Variants in SAMD12 observed in about 807,000 individuals in gnomAD.
SAMD12 encodes sterile alpha motif domain containing 12, also known as sterile alpha motif domain-containing protein 12.
SAMD12 carries 9 observed loss-of-function variants against 15.0 expected under a neutral mutation model. The ratio of observed to expected loss-of-function variants is 0.60; its 90% CI spans 0.36 to 1.05. The LOEUF is 1.05. Ranked by LOEUF, SAMD12 falls within the 50% of genes least tolerant of loss-of-function variation. The pLI is 0.01. For missense variants in SAMD12, 230 were observed against 234.2 expected, an observed-to-expected ratio of 0.98 and a Z score of 0.12; for synonymous variants, 86 against 90.1, an observed-to-expected ratio of 0.96 and a Z score of 0.25.
At chr8:118,140,348 T>C in the SAMD12 span, among the ~76,000 whole-genome samples, 1 of 152,126 alleles carries the variant, frequency 6.6e-6, no homozygotes, top group Non-Finnish European at 1.5e-5. Flanking sequence ...CACAGCTCAC[T>C]GCAGCCTCCA....
At chr8:118,605,516 C>A (rs1229685672) in intron 1 of SAMD12, among the ~76,000 whole-genome samples, 1 of 152,082 alleles carries the variant, frequency 6.6e-6, no homozygotes, top group Non-Finnish European at 1.5e-5. Context: ...AGATCAAACA[C>A]TGAAGTCATC....
intron 3 of SAMD12, among the ~76,000 whole-genome samples, chr8:118,402,814 G>T (rs1820931140): frequency 6.6e-6 from 1 of 152,172 alleles, no homozygotes; most frequent in South Asian, 2.1e-4. Context: ...AGCATCTTCA[G>T]ATTCTACTAT....
intron 2 of SAMD12, among the ~76,000 whole-genome samples, chr8:118,533,104 TTTTAAATGTGTCCCAG>T (rs764525970): frequency 6.6e-6 from 1 of 152,082 alleles, no homozygotes; most frequent in Non-Finnish European, 1.5e-5. Context: ...CTACACACTG[TTTTAAATGTGTCCCAG>T]AGATTCTGGT....
chr8:118,221,402 T>G (rs1261123000), intron 4 of SAMD12, among the ~76,000 whole-genome samples: 2 of 152,176 alleles, frequency 1.3e-5, no homozygotes, highest in African/African-American at 4.8e-5. Flanking sequence ...GTGAGTAGGC[T>G]ATTTCCTTGT....
chr8:118,219,772 G>A (rs1812045632), intron 4 of SAMD12, among the ~76,000 whole-genome samples: 1 of 152,248 alleles, frequency 6.6e-6, no homozygotes, highest in Non-Finnish European at 1.5e-5. Context: ...CCAGGAAGGT[G>A]AGTAAAGTTG....
chr8:118,273,626 G>A (rs1813414699), intron 4 of SAMD12, among the ~76,000 whole-genome samples: 1 of 152,178 alleles, frequency 6.6e-6, no homozygotes, highest in Non-Finnish European at 1.5e-5. Context: ...GTGGCCCCAT[G>A]ATGAACTCTG....
intron 2 of SAMD12, among the ~76,000 whole-genome samples, chr8:118,447,075 T>A (rs899697183): frequency 4.6e-5 from 7 of 152,210 alleles, no homozygotes; most frequent in African/African-American, 1.7e-4. Context: ...CCCTGCATCC[T>A]GGATTTTTCA....
At chr8:118,315,935 A>G (rs1815873120) in intron 4 of SAMD12, among the ~76,000 whole-genome samples, 1 of 152,310 alleles carries the variant, frequency 6.6e-6, no homozygotes, top group Non-Finnish European at 1.5e-5. Context: ...AACTGCTTAG[A>G]GATTTCTGTT....
intron 1 of SAMD12, among the ~76,000 whole-genome samples, chr8:118,603,846 G>T (rs552090527): frequency 6.6e-6 from 1 of 152,140 alleles, no homozygotes; most frequent in Non-Finnish European, 1.5e-5. Flanking sequence ...CCTAATATAT[G>T]AATATATTGG....
intron 2 of SAMD12, among the ~76,000 whole-genome samples, chr8:118,545,065 T>C (rs1826085418): frequency 2.0e-5 from 3 of 152,064 alleles, no homozygotes; most frequent in African/African-American, 7.2e-5. Flanking sequence ...CAGGCCTCAG[T>C]CAAATAACTA....
chr8:118,418,726 AAAAAG>A (rs915507650), intron 3 of SAMD12, among the ~76,000 whole-genome samples: 6 of 152,050 alleles, frequency 3.9e-5, no homozygotes, highest in African/African-American at 9.7e-5. Flanking sequence ...CTCAAAAAAA[AAAAAG>A]AAAAGTCAGC....
chr8:118,220,934 G>A (rs1812070394), intron 4 of SAMD12, among the ~76,000 whole-genome samples: 1 of 151,976 alleles, frequency 6.6e-6, no homozygotes, highest in South Asian at 2.1e-4. Flanking sequence ...GAGGGGTGGG[G>A]GACATATTGT....
At chr8:118,247,941 A>G (rs1812734659) in intron 4 of SAMD12, among the ~76,000 whole-genome samples, 1 of 152,126 alleles carries the variant, frequency 6.6e-6, no homozygotes, top group South Asian at 2.1e-4. Context: ...AGAAGCAGGA[A>G]GCTTATTGGG....
chr8:118,450,153 G>A (rs968345796), intron 2 of SAMD12, among the ~76,000 whole-genome samples: 1 of 152,176 alleles, frequency 6.6e-6, no homozygotes, highest in Non-Finnish European at 1.5e-5. Flanking sequence ...GCTCTGAAGC[G>A]GATGCTTGTA....
At chr8:118,528,293 A>G (rs572401125) in intron 2 of SAMD12, among the ~76,000 whole-genome samples, 1 of 152,316 alleles carries the variant, frequency 6.6e-6, no homozygotes, top group East Asian at 1.9e-4. Flanking sequence ...TGGCCTCCCA[A>G]AGTGCTGGGA....
chr8:118,512,660 A>G (rs1304695368), intron 2 of SAMD12, among the ~76,000 whole-genome samples: 1 of 152,176 alleles, frequency 6.6e-6, no homozygotes, highest in Non-Finnish European at 1.5e-5. Flanking sequence ...TTGCAATAAT[A>G]TTACTAAAAC....
chr8:118,460,496 T>C (rs1342867402), intron 2 of SAMD12, among the ~76,000 whole-genome samples: 1 of 152,044 alleles, frequency 6.6e-6, no homozygotes, highest in African/African-American at 2.4e-5. Flanking sequence ...GAGAAAAGTA[T>C]CAGATGATTT....
In SAMD12 at chr8:118,329,267, C is replaced by A. The variant is rs146000308; in HGVS notation, c.433+50293G>T. Among the ~76,000 whole-genome samples, 15 of 152,146 alleles carry A rather than the reference C, an allele frequency of 9.9e-5. No homozygotes were observed. In the East Asian group the frequency reaches 1.7e-3, roughly 18 times the overall value. ...GGCCCACAGAAGGAACAGTGAGTGG[C>A]CAGCCTTGGCAAATTTTTCTCTTAC... On this transcript the variant is annotated intron_variant, in intron 4 of 4. Coordinates refer to the SAMD12 transcript ENST00000409003.
At chr8:118,555,826 C>T (rs752155213) in intron 2 of SAMD12, among the ~76,000 whole-genome samples, 2 of 152,144 alleles carry the variant, frequency 1.3e-5, no homozygotes, top group Non-Finnish European at 2.9e-5. Context: ...ACAACTCAAC[C>T]ACAACCAATG....
Sources: allele counts gnomAD v4.1 joint callset (sites outside exome capture counted in the v4.1 genomes callset), GRCh38; gene constraint gnomAD v4.1.1; transcripts MANE v1.5; gene names NCBI Gene and HGNC (gene_info 2026-07-23, HGNC 2026-07-21).